The following DTNA variants were observed in gnomAD, a reference collection of about 807,000 sequenced individuals.
DTNA encodes dystrophin-related protein 3.
DTNA carries 43 observed loss-of-function variants against 100.7 expected under a neutral mutation model. The ratio of observed to expected loss-of-function variants is 0.43; its 90% CI spans 0.33 to 0.55. The LOEUF (loss-of-function observed/expected upper bound fraction) is 0.55. Among genes scored for constraint, DTNA ranks in the 20% least tolerant of loss-of-function variants. The pLI, the probability that DTNA is intolerant of heterozygous loss-of-function variation, is 0.04. For synonymous variants in DTNA, 349 were observed against 347.9 expected (o/e 1.00, Z -0.04); for missense variants, 798 against 953.9 (o/e 0.84, Z 2.15).
At chr18:34,702,023 G>A (rs1460929800) in intron 1 of DTNA, among the ~76,000 whole-genome samples, 2 of 152,106 alleles carry the variant, frequency 1.3e-5, no homozygotes, top group Non-Finnish European at 2.9e-5. Context: ...GCTTTGTGCT[G>A]CCCTGAGAAT....
In DTNA at chr18:34,794,022, C is replaced by A; in HGVS notation, c.149-15C>A. On this transcript the variant is annotated splice_polypyrimidine_tract_variant and intron_variant, in intron 3 of 22. Transcript: ENST00000444659. Reference sequence around the variant, plus strand: ...ATTACTTTGGGCTGATGTGTTAACTCTGCTTTAATTGTAGTGCACCTGGTG... The same window carrying A: ...ATTACTTTGGGCTGATGTGTTAACTATGCTTTAATTGTAGTGCACCTGGTG... The A allele has an allele frequency of 6.2e-7, 1 of 1,612,582 alleles. No individual in the cohort carries two copies. The highest frequency in any genetic ancestry group is 8.5e-7 in the Non-Finnish European group (1 of 1,179,296).
rs555273655 is a variant in DTNA, at chr18:34,864,248, C to CT, written c.1743+206dup. On this transcript the variant is annotated intron_variant, in intron 17 of 22. Transcript: ENST00000444659. ...GTAGCTGTCAGTAATAGAACACATTCTTTTTTTTTTTTTTTTTTTTGAGAC... is the reference window on the plus strand; with the variant it reads ...GTAGCTGTCAGTAATAGAACACATTCTTTTTTTTTTTTTTTTTTTTTGAGAC... Among the ~76,000 whole-genome samples, 4,938 of 127,390 alleles carry CT rather than the reference C, an allele frequency of 0.039. 268 individuals carry two copies. Among genetic ancestry groups the CT allele is most frequent in the African/African-American group, 0.1 (3,471 of 33,320 alleles). 83.6% of individuals were successfully genotyped at this position (127,390 alleles called of 152,430 possible). A position where few individuals can be genotyped will look rare whatever the true frequency, so the allele number is the denominator to read the frequency against.
In DTNA at chr18:34,882,096, G is replaced by A; in HGVS notation, c.2190G>A (p.Val730=). 1 of 1,614,044 alleles carries A rather than the reference G, an allele frequency of 6.2e-7. No individual in the cohort carries two copies. Among genetic ancestry groups the A allele is most frequent in the Non-Finnish European group, 8.5e-7 (1 of 1,179,956 alleles). Residue 730 remains valine (V), a synonymous_variant, in exon 21 of 23, where the codon GTG becomes GTA. Coordinates refer to ENST00000444659, the MANE Select transcript of DTNA (RefSeq NM_001386795.1). ...TTACGGAGGATGCAGATCCCTATGT[G>A]CAGCCTGAAGATGAAAACTATGAAA... The part of the protein sequence containing the change: ...DMVTEDADPY[V]QPEDENYEND...
chr18:34,774,059 T>G (rs879909676), intron 3 of DTNA, among the ~76,000 whole-genome samples: 3 of 152,236 alleles, frequency 2.0e-5, no homozygotes, highest in Non-Finnish European at 4.4e-5. Context: ...GCTTCTGCAT[T>G]AGACGTGAAA....
At chr18:34,704,841 G>A (rs919400494) in intron 1 of DTNA, among the ~76,000 whole-genome samples, 7 of 152,156 alleles carry the variant, frequency 4.6e-5, no homozygotes, top group Non-Finnish European at 1.0e-4. Flanking sequence ...GAATTTGCCT[G>A]TTTTCTTGAC....
intron 1 of DTNA, among the ~76,000 whole-genome samples, chr18:34,574,873 A>C (rs970213137): frequency 3.3e-5 from 5 of 152,122 alleles, no homozygotes; most frequent in African/African-American, 4.8e-5. Context: ...TCCTGGCCTC[A>C]ATTGATCCTC....
At chr18:34,821,422 G>A (rs1432339093) in intron 9 of DTNA, 3 of 449,040 alleles carry the variant, frequency 6.7e-6, no homozygotes, top group African/African-American at 6.0e-5. Context: ...GTTGAAGAGG[G>A]GGAGTGGCGG....
chr18:34,837,143 T>G (rs1461102752), intron 11 of DTNA, among the ~76,000 whole-genome samples: 1 of 152,160 alleles, frequency 6.6e-6, no homozygotes, highest in Non-Finnish European at 1.5e-5. Context: ...AGACAATTTA[T>G]TTTTCTATTT....
intron 13 of DTNA, among the ~76,000 whole-genome samples, chr18:34,844,672 T>G (rs1055827638): frequency 2.0e-5 from 3 of 152,158 alleles, no homozygotes; most frequent in Admixed American, 6.6e-5. Flanking sequence ...AAAGAAAATA[T>G]AGAAGCATTT....
At chr18:34,617,131 G>T (rs2055460647) in intron 1 of DTNA, among the ~76,000 whole-genome samples, 1 of 152,094 alleles carries the variant, frequency 6.6e-6, no homozygotes, top group African/African-American at 2.4e-5. Context: ...TTGCCTGATT[G>T]CTTTGGCTGG....
At chr18:34,694,732 A>G (rs950458139) in intron 1 of DTNA, among the ~76,000 whole-genome samples, 1 of 152,110 alleles carries the variant, frequency 6.6e-6, no homozygotes, top group Non-Finnish European at 1.5e-5. Flanking sequence ...TAATGTATGT[A>G]AACAGCTCTA....
chr18:34,828,599 C>G (rs1447283256), intron 10 of DTNA, among the ~76,000 whole-genome samples: 1 of 152,156 alleles, frequency 6.6e-6, no homozygotes, highest in Non-Finnish European at 1.5e-5. Flanking sequence ...AAGAACACAG[C>G]TGATTTTTTT....
At chr18:34,742,659 C>A (rs1007056543) in intron 1 of DTNA, among the ~76,000 whole-genome samples, 4 of 151,938 alleles carry the variant, frequency 2.6e-5, no homozygotes, top group Non-Finnish European at 4.4e-5. Flanking sequence ...GATAGATAAT[C>A]TATTATCTAT....
At chr18:34,560,861 G>A (rs112775291) in intron 1 of DTNA, among the ~76,000 whole-genome samples, 7 of 152,316 alleles carry the variant, frequency 4.6e-5, no homozygotes, top group African/African-American at 9.6e-5. Flanking sequence ...TATGGAGGTT[G>A]CAGTGAGCCG....
chr18:34,577,557 C>G (rs2048223166), intron 1 of DTNA, among the ~76,000 whole-genome samples: 1 of 151,998 alleles, frequency 6.6e-6, no homozygotes, highest in Non-Finnish European at 1.5e-5. Flanking sequence ...CACCTGAACC[C>G]CATTTGTAGT....
At chr18:34,831,078 G>T (rs1362064450) in intron 11 of DTNA, among the ~76,000 whole-genome samples, 1 of 152,144 alleles carries the variant, frequency 6.6e-6, no homozygotes, top group East Asian at 1.9e-4. Context: ...TTGGCATCAT[G>T]CCTCCTTTTT....
chr18:34,632,173 C>T (rs2058155730), intron 1 of DTNA, among the ~76,000 whole-genome samples: 1 of 151,756 alleles, frequency 6.6e-6, no homozygotes, highest in Non-Finnish European at 1.5e-5. Context: ...TTTATAAATC[C>T]CTTGGCACCA....
intron 9 of DTNA, among the ~76,000 whole-genome samples, chr18:34,826,305 T>A (rs767467239): frequency 6.6e-6 from 1 of 152,140 alleles, no homozygotes. Flanking sequence ...AGTGGTGATT[T>A]GTGAGATTTT....
intron 1 of DTNA, among the ~76,000 whole-genome samples, chr18:34,699,842 A>G (rs2081122640): frequency 1.3e-5 from 2 of 151,936 alleles, no homozygotes; most frequent in South Asian, 4.1e-4. Flanking sequence ...TTTTCAAGCA[A>G]CAAAAAGCAA....
Sources: gnomAD v4.1 joint callset for allele counts (sites outside exome capture counted in the v4.1 genomes callset) on GRCh38, gnomAD v4.1.1 for gene constraint, MANE v1.5 for transcripts, NCBI Gene and HGNC (gene_info 2026-07-23, HGNC 2026-07-21) for gene names.